TTC28: variants seen among roughly 807,000 people sequenced by gnomAD.
TTC28 encodes tetratricopeptide repeat protein 28.
TTC28 carries 61 observed loss-of-function variants against 198.0 expected under a neutral mutation model. The observed-to-expected ratio is 0.31, with a 90% CI of 0.25 to 0.38. The LOEUF is 0.38. Ranked by LOEUF, TTC28 falls within the 10% of genes least tolerant of loss-of-function variation. The probability of loss-of-function intolerance (pLI) is 1.00; values close to 1 mark genes in which losing one functional copy is unlikely to be tolerated. For missense variants in TTC28, 2,678 were observed against 3,164.0 expected (o/e 0.85, Z 3.69); for synonymous variants, 1,171 against 1,297.8 (o/e 0.90, Z 2.10).
chr22:28,038,606 T>A (rs1051074094), intron 12 of TTC28, among the ~76,000 whole-genome samples: 1 of 152,214 alleles, frequency 6.6e-6, no homozygotes, highest in African/African-American at 2.4e-5. Context: ...GACATAGGCA[T>A]GGCCAAGGAC....
chr22:27,998,312 A>G (rs1055580377), intron 16 of TTC28: 2 of 699,478 alleles, frequency 2.9e-6, no homozygotes, highest in Non-Finnish European at 4.6e-6. Flanking sequence ...ACATTCATAC[A>G]CTCATGGCAA....
chr22:28,336,051 G>A (rs1398258161), intron 2 of TTC28, among the ~76,000 whole-genome samples: 1 of 152,166 alleles, frequency 6.6e-6, no homozygotes, highest in Non-Finnish European at 1.5e-5. Flanking sequence ...AGCACGAAGG[G>A]CTGTTGAATT....
At chr22:28,273,212 A>C (rs1365648392) in intron 5 of TTC28, among the ~76,000 whole-genome samples, 1 of 152,204 alleles carries the variant, frequency 6.6e-6, no homozygotes, top group African/African-American at 2.4e-5. Context: ...AGATAATACC[A>C]TTGAGATTCT....
rs1380792346 is a variant in TTC28 at position 28,586,148 on chromosome 22, G to A, written c.381+43404C>T. On this transcript the variant is annotated intron_variant, in intron 2 of 22. Transcript: ENST00000397906. Reference sequence around the variant, plus strand: ...CAAAAAATTAGCTGGGCGTGGTGGTGGGCGCCTGTAGTCCCAGCTACTCGG... The same window carrying A: ...CAAAAAATTAGCTGGGCGTGGTGGTAGGCGCCTGTAGTCCCAGCTACTCGG... Among the ~76,000 whole-genome samples the A allele has an allele frequency of 2.6e-5, 4 of 151,910 alleles. No individual in the cohort carries two copies. The South Asian group carries it at 6.3e-4, about 24-fold the overall frequency.
At position 27,983,136 on chromosome 22, in the gene TTC28, C is replaced by T. The variant is rs758369722; in HGVS notation, c.6531G>A (p.Val2177=). ...GGCCGCCGCTCCTCTGAAGACGCTC[C>T]ACCGCAATGAGATGACTCTGTGTCT... ...LEETQSHLIA[V]ERLQRSGGQV... Residue 2177 remains valine, a synonymous_variant, in exon 23 of 23, where the codon GTG becomes GTA. Coordinates refer to ENST00000397906, the MANE Select transcript of TTC28 (RefSeq NM_001145418.2). The T allele has an allele frequency of 1.3e-6, 2 of 1,551,684 alleles. No individual in the cohort carries two copies. Among genetic ancestry groups the T allele is most frequent in the East Asian group, 2.4e-5 (1 of 40,922 alleles).
intron 1 of TTC28, among the ~76,000 whole-genome samples, chr22:28,641,306 G>C (rs931218303): frequency 2.6e-5 from 4 of 151,036 alleles, no homozygotes; most frequent in Admixed American, 2.0e-4. Flanking sequence ...CCTGGCGACA[G>C]AGCAAGACTC....
chr22:28,417,749 A>G (rs751612996), intron 2 of TTC28, among the ~76,000 whole-genome samples: 2 of 152,224 alleles, frequency 1.3e-5, no homozygotes, highest in African/African-American at 2.4e-5. Context: ...TTACTAATCT[A>G]CATATCAGGC....
chr22:28,605,292 C>A (rs1256773117), intron 2 of TTC28, among the ~76,000 whole-genome samples: 1 of 152,146 alleles, frequency 6.6e-6, no homozygotes, highest in African/African-American at 2.4e-5. Flanking sequence ...AAGAAATTCT[C>A]CTCTTAGATC....
intron 3 of TTC28, among the ~76,000 whole-genome samples, chr22:28,301,749 A>T (rs1379410421): frequency 1.3e-5 from 2 of 152,138 alleles, no homozygotes. Context: ...CTTTCTTTGT[A>T]ATACATAAAA....
At chr22:28,510,625 T>A (rs1187367648) in intron 2 of TTC28, among the ~76,000 whole-genome samples, 1 of 151,920 alleles carries the variant, frequency 6.6e-6, no homozygotes, top group South Asian at 2.1e-4. Context: ...GGATGCCCCC[T>A]CTCCAACATA....
chr22:28,085,979 T>G (rs917165008), intron 12 of TTC28, among the ~76,000 whole-genome samples: 8 of 152,126 alleles, frequency 5.3e-5, no homozygotes, highest in African/African-American at 1.9e-4. Context: ...AAAATATATA[T>G]GCACCCAATA....
chr22:28,580,930 C>T (rs987056134), intron 2 of TTC28, among the ~76,000 whole-genome samples: 10 of 152,062 alleles, frequency 6.6e-5, no homozygotes, highest in African/African-American at 2.4e-4. Flanking sequence ...CAAATACTCT[C>T]ATTCTATTAT....
chr22:28,371,920 T>G (rs1276275108), intron 2 of TTC28, among the ~76,000 whole-genome samples: 2 of 151,230 alleles, frequency 1.3e-5, no homozygotes, highest in Admixed American at 6.6e-5. Flanking sequence ...TTTTTTTATT[T>G]TATTATTATT....
At chr22:28,422,198 A>C (rs907388887) in intron 2 of TTC28, among the ~76,000 whole-genome samples, 3 of 152,198 alleles carry the variant, frequency 2.0e-5, no homozygotes, top group Admixed American at 1.3e-4. Context: ...ATGTTCAAAA[A>C]CATGGAAAGA....
At chr22:28,164,899 G>A (rs1312448444) in intron 5 of TTC28, among the ~76,000 whole-genome samples, 6 of 152,032 alleles carry the variant, frequency 3.9e-5, no homozygotes, top group Admixed American at 6.6e-5. Context: ...GAGGAAGTTC[G>A]AACCCATGGC....
In TTC28 at chr22:28,608,996, A is replaced by C. The variant is rs569147995; in HGVS notation, c.381+20556T>G. 9.8e-5 allele frequency among the ~76,000 whole-genome samples: 15 copies of C among 152,336 alleles called. No individual in the cohort carries two copies. In the East Asian group the frequency reaches 2.3e-3, roughly 24 times the overall value. ...TAAAATGTCCAGTTTTCAACCAAAA[A>C]AAAGATGAAACACAAATAGAAACAG... is the stretch of plus-strand genomic sequence containing the variant. On this transcript the variant is annotated intron_variant, in intron 2 of 22. Coordinates refer to ENST00000397906, the MANE Select transcript of TTC28 (RefSeq NM_001145418.2).
chr22:28,290,044 T>A (rs1020019352), intron 5 of TTC28, among the ~76,000 whole-genome samples: 4 of 152,004 alleles, frequency 2.6e-5, no homozygotes, highest in African/African-American at 9.7e-5. Context: ...TTTTTTTTTT[T>A]AAAGAAAACC....
intron 5 of TTC28, among the ~76,000 whole-genome samples, chr22:28,287,344 G>A (rs2044704559): frequency 6.6e-6 from 1 of 152,116 alleles, no homozygotes; most frequent in Admixed American, 6.5e-5. Context: ...ATTCCAAGTG[G>A]CAGTAAATCT....
chr22:28,423,022 G>A (rs2047286274), intron 2 of TTC28, among the ~76,000 whole-genome samples: 1 of 152,070 alleles, frequency 6.6e-6, no homozygotes, highest in Admixed American at 6.6e-5. Flanking sequence ...TACATACCAT[G>A]TATCTGTCAT....
Sources: gnomAD v4.1 joint callset for allele counts (sites outside exome capture counted in the v4.1 genomes callset) on GRCh38, gnomAD v4.1.1 for gene constraint, MANE v1.5 for transcripts, NCBI Gene and HGNC (gene_info 2026-07-23, HGNC 2026-07-21) for gene names.